The following RBM20 variants were observed in gnomAD, a reference collection of about 807,000 sequenced individuals.
RBM20 encodes RNA binding motif protein 20.
In RBM20, 51 loss-of-function variants were observed where a neutral mutation model predicts 110.1. That is an observed-to-expected ratio of 0.46 (90% CI 0.37 to 0.59). The LOEUF (loss-of-function observed/expected upper bound fraction) is 0.59, where lower values mean the gene tolerates loss of function less well. RBM20 is among the 20% of genes least tolerant of loss of function. The pLI, the probability that RBM20 is intolerant of heterozygous loss-of-function variation, is 0.00. For synonymous variants in RBM20, 589 were observed against 618.2 expected, an observed-to-expected ratio of 0.95 and a Z score of 0.70; for missense variants, 1,512 against 1,574.9, an observed-to-expected ratio of 0.96 and a Z score of 0.68.
intron 1 of RBM20, among the ~76,000 whole-genome samples, chr10:110,716,871 C>T (rs536668261): frequency 8.1e-5 from 12 of 149,034 alleles, no homozygotes; most frequent in South Asian, 2.1e-4. Flanking sequence ...GAGCCGAGAT[C>T]GTGCCCCTGC....
intron 2 of RBM20, among the ~76,000 whole-genome samples, chr10:110,783,021 G>A (rs533541301): frequency 8.8e-5 from 13 of 146,998 alleles, no homozygotes; most frequent in Middle Eastern, 6.9e-3. Flanking sequence ...AATAGGTGGG[G>A]TCTTCCTGGG....
In RBM20 at chr10:110,781,622, T is replaced by C. The variant is rs876657970; in HGVS notation, c.1013T>C (p.Met338Thr). ...AAGCCTGATCTCACAGCAGGTCCCA[T>C]GTGGCCTCCACCCCACAACCAGCCC... is the stretch of plus-strand genomic sequence containing the variant. ...QSKPDLTAGPMWPPPHNQPYE... is the reference protein window; with the variant it reads ...QSKPDLTAGPTWPPPHNQPYE... Residue 338 changes from methionine (M) to threonine (T), a missense_variant, in exon 2 of 14, where the codon ATG (methionine) becomes ACG (threonine). Physicochemically the swap from Met to Thr is moderately conservative, Grantham distance 81 (BLOSUM62 -1). Transcript: ENST00000369519. The C allele has an allele frequency of 1.5e-5, 23 of 1,550,422 alleles. No individual in the cohort carries two copies. Among genetic ancestry groups the C allele is most frequent in the Non-Finnish European group, 1.8e-5 (21 of 1,145,968 alleles).
chr10:110,810,913 G>T (rs575830977), intron 8 of RBM20, among the ~76,000 whole-genome samples: 2 of 152,012 alleles, frequency 1.3e-5, no homozygotes, highest in South Asian at 4.2e-4. Flanking sequence ...GTTGAATGTA[G>T]ATGTAGGAAG....
intron 7 of RBM20, among the ~76,000 whole-genome samples, chr10:110,804,982 CGCTACAGAGAGGGCTTCTGGCCCT>C (rs1564851991): frequency 6.6e-5 from 10 of 152,162 alleles, no homozygotes; most frequent in African/African-American, 2.4e-4. Context: ...CCAGCCTCCT[CGCTACAGAGAGGGCTTCTGGCCCT>C]GGGAAGCAGT....
chr10:110,712,477 G>A (rs1397450155), intron 1 of RBM20, among the ~76,000 whole-genome samples: 2 of 152,198 alleles, frequency 1.3e-5, no homozygotes, highest in Admixed American at 1.3e-4. Context: ...AATAAAAACT[G>A]ATCTAGAGGC....
chr10:110,771,136 T>C (rs899892538), intron 1 of RBM20, among the ~76,000 whole-genome samples: 1 of 152,122 alleles, frequency 6.6e-6, no homozygotes, highest in African/African-American at 2.4e-5. Context: ...GGCATGTCCA[T>C]GGATAAATTT....
intron 1 of RBM20, among the ~76,000 whole-genome samples, chr10:110,748,964 A>G (rs1224706818): frequency 6.6e-6 from 1 of 152,248 alleles, no homozygotes; most frequent in Non-Finnish European, 1.5e-5. Flanking sequence ...GGGAAAATGT[A>G]TGATATTTAG....
chr10:110,708,572 G>A (rs893460240), intron 1 of RBM20, among the ~76,000 whole-genome samples: 1 of 152,086 alleles, frequency 6.6e-6, no homozygotes, highest in African/African-American at 2.4e-5. Context: ...ATAAAAACAG[G>A]TGAAATAAAA....
intron 13 of RBM20, 98 bp from the exon 14 acceptor site, chr10:110,835,770 G>A: frequency 8.0e-7 from 1 of 1,253,592 alleles, no homozygotes; most frequent in Non-Finnish European, 1.1e-6. Flanking sequence ...GGGCACAGAT[G>A]CCAGGAGAGG....
intron 1 of RBM20, among the ~76,000 whole-genome samples, chr10:110,656,847 G>A (rs954517709): frequency 2.0e-5 from 3 of 152,166 alleles, no homozygotes; most frequent in Non-Finnish European, 4.4e-5. Flanking sequence ...TATAGGTACC[G>A]AAAACGTTTT....
At chr10:110,787,753 G>A (rs559895612) in intron 5 of RBM20, among the ~76,000 whole-genome samples, 5 of 152,150 alleles carry the variant, frequency 3.3e-5, no homozygotes, top group Non-Finnish European at 5.9e-5. Context: ...GAGAAGCAAC[G>A]CAGGAAACAT....
At chr10:110,790,018 G>A (rs1350498838) in intron 5 of RBM20, among the ~76,000 whole-genome samples, 1 of 152,178 alleles carries the variant, frequency 6.6e-6, no homozygotes, top group Non-Finnish European at 1.5e-5. Context: ...CAGTGTCACA[G>A]ATGGGCCACC....
At chr10:110,785,829 T>C (rs1384453032) in intron 5 of RBM20, among the ~76,000 whole-genome samples, 1 of 152,188 alleles carries the variant, frequency 6.6e-6, no homozygotes, top group Non-Finnish European at 1.5e-5. Flanking sequence ...TGGAGCTTTT[T>C]ATGTTTTTTT....
chr10:110,787,491 C>CA (rs762456277), intron 5 of RBM20, among the ~76,000 whole-genome samples: 8 of 152,220 alleles, frequency 5.3e-5, no homozygotes, highest in Non-Finnish European at 7.3e-5. Flanking sequence ...GTCTGCTGGC[C>CA]ATAGGATTTT....
At chr10:110,690,075 A>G (rs1393305154) in intron 1 of RBM20, among the ~76,000 whole-genome samples, 6 of 152,130 alleles carry the variant, frequency 3.9e-5, no homozygotes, top group Non-Finnish European at 8.8e-5. Context: ...GCCTTTTTTT[A>G]TTGTGGTTAA....
intron 1 of RBM20, among the ~76,000 whole-genome samples, chr10:110,728,114 G>A (rs985717863): frequency 2.0e-5 from 3 of 152,294 alleles, no homozygotes; most frequent in South Asian, 2.1e-4. Context: ...ATAAACATAC[G>A]TGTGCATGTG....
intron 1 of RBM20, among the ~76,000 whole-genome samples, chr10:110,763,398 A>G (rs1844033802): frequency 6.6e-6 from 1 of 152,048 alleles, no homozygotes; most frequent in Non-Finnish European, 1.5e-5. Flanking sequence ...TTGACCTTTT[A>G]AAAGGAATAT....
At chr10:110,669,053 C>T (rs908653489) in intron 1 of RBM20, among the ~76,000 whole-genome samples, 1 of 152,136 alleles carries the variant, frequency 6.6e-6, no homozygotes, top group African/African-American at 2.4e-5. Flanking sequence ...GTGTATTTAA[C>T]TTAGTTGTCT....
At chr10:110,664,427 T>A (rs1000852814) in intron 1 of RBM20, among the ~76,000 whole-genome samples, 1 of 152,152 alleles carries the variant, frequency 6.6e-6, no homozygotes, top group African/African-American at 2.4e-5. Context: ...TATATTAACA[T>A]GTGCAAAATC....
Sources: gnomAD v4.1 joint callset for allele counts (sites outside exome capture counted in the v4.1 genomes callset) on GRCh38, gnomAD v4.1.1 for gene constraint, MANE v1.5 for transcripts, NCBI Gene and HGNC (gene_info 2026-07-23, HGNC 2026-07-21) for gene names.